ANO5: variants seen among roughly 807,000 people sequenced by gnomAD.
ANO5 encodes anoctamin 5, also known as anoctamin-5.
Under a neutral mutation model 121.0 loss-of-function variants are expected in ANO5, and 109 were observed. The ratio of observed to expected loss-of-function variants is 0.90; its 90% CI spans 0.77 to 1.06. ANO5 has a LOEUF of 1.06. Among genes scored for constraint, ANO5 ranks in the 50% least tolerant of loss-of-function variants. The pLI is 0.00. For missense variants in ANO5, 1,064 were observed against 1,078.5 expected (o/e 0.99, Z 0.19); for synonymous variants, 406 against 359.9 (o/e 1.13, Z -1.45).
intron 3 of ANO5, among the ~76,000 whole-genome samples, chr11:22,212,560 A>G (rs187971092): frequency 3.2e-4 from 49 of 151,914 alleles, no homozygotes; most frequent in African/African-American, 1.1e-3. Flanking sequence ...TTTGTAACAA[A>G]CCTGTGAAAG....
At chr11:22,266,713 C>T (rs1854379003) in intron 17 of ANO5, among the ~76,000 whole-genome samples, 1 of 152,070 alleles carries the variant, frequency 6.6e-6, no homozygotes, top group Admixed American at 6.6e-5. Context: ...TTTATTCTAA[C>T]ATAAATGTTA....
rs573200965 is a variant in ANO5, at chr11:22,231,688, G to A, written c.648+4102G>A. 4.0e-5 allele frequency among the ~76,000 whole-genome samples: 6 copies of A among 151,734 alleles called. No homozygotes were observed. In the East Asian group the frequency reaches 5.8e-4, roughly 15 times the overall value. ...GGTATTTATACATTTCAGCATAAATGTAAGTTTTCTGCTAAAAGAGATACA... is the reference window on the plus strand; with the variant it reads ...GGTATTTATACATTTCAGCATAAATATAAGTTTTCTGCTAAAAGAGATACA... On this transcript the variant is annotated intron_variant, in intron 7 of 21. Transcript: ENST00000324559.
chr11:22,209,105 C>T (rs1343726083), intron 2 of ANO5, among the ~76,000 whole-genome samples: 1 of 151,842 alleles, frequency 6.6e-6, no homozygotes, highest in Non-Finnish European at 1.5e-5. Context: ...ATTGTAGGTT[C>T]ATTATTTCAA....
rs1590322804 is a variant in ANO5, at chr11:22,270,450, T to C, written c.2029+8T>C. The C allele has an allele frequency of 6.2e-6, 10 of 1,613,972 alleles. No homozygotes were observed. Among genetic ancestry groups the C allele is most frequent in the Non-Finnish European group, 8.5e-6 (10 of 1,179,934 alleles). The stretch of plus-strand genomic sequence containing the variant: ...ATGAGTACTTAGAAACAGGTAATTT[T>C]TAACCACTGTTTTGAAACATAGAGT... On this transcript the variant is annotated splice_region_variant and intron_variant, in intron 18 of 21. Coordinates refer to ENST00000324559, the MANE Select transcript of ANO5 (RefSeq NM_213599.3).
chr11:22,230,884 A>T (rs1189100072), intron 7 of ANO5, among the ~76,000 whole-genome samples: 1 of 151,972 alleles, frequency 6.6e-6, no homozygotes, highest in African/African-American at 2.4e-5. Context: ...GTCCACTTCT[A>T]TCTCCACCTT....
chr11:22,273,568 C>G (rs922504933), intron 19 of ANO5, among the ~76,000 whole-genome samples: 1 of 152,126 alleles, frequency 6.6e-6, no homozygotes, highest in Admixed American at 6.5e-5. Context: ...ACAGATAACT[C>G]CATTGCCATA....
chr11:22,254,444 A>G (rs532763175), intron 12 of ANO5, among the ~76,000 whole-genome samples: 3 of 152,316 alleles, frequency 2.0e-5, no homozygotes, highest in African/African-American at 7.2e-5. Context: ...CAGCAGCACT[A>G]TGTGTAATAG....
intron 3 of ANO5, 83 bp downstream of exon 3, chr11:22,211,397 C>A: frequency 7.0e-7 from 1 of 1,423,714 alleles, no homozygotes. Flanking sequence ...ATACTCTTTT[C>A]CAGTTCAGTT....
intron 2 of ANO5, among the ~76,000 whole-genome samples, chr11:22,210,176 A>G (rs149897466): frequency 6.6e-6 from 1 of 152,052 alleles, no homozygotes; most frequent in African/African-American, 2.4e-5. Context: ...TCTTCCCACA[A>G]CTTTTCCCAC....
At chr11:22,250,610 T>C (rs1853780114) in intron 10 of ANO5, 131 bp from the exon 11 acceptor site, 4 of 1,057,632 alleles carry the variant, frequency 3.8e-6, no homozygotes, top group African/African-American at 1.6e-5. Flanking sequence ...TGACCCACTA[T>C]AGAAATTGCT....
intron 4 of ANO5, among the ~76,000 whole-genome samples, chr11:22,219,911 T>C (rs1852586555): frequency 7.7e-6 from 1 of 129,612 alleles, no homozygotes; most frequent in Non-Finnish European, 1.7e-5. Context: ...TTTTTTTTAA[T>C]TCTTAGTTCC....
rs76975356 is a variant in ANO5 at position 22,210,540 on chromosome 11, G to A, written c.88-724G>A. 2.3e-3 allele frequency among the ~76,000 whole-genome samples: 355 copies of A among 151,968 alleles called. 2 individuals are homozygous for A. Among genetic ancestry groups the A allele is most frequent in the Non-Finnish European group, 3.7e-3 (254 of 67,880 alleles). On this transcript the variant is annotated intron_variant, in intron 2 of 21. Coordinates refer to ENST00000324559, the MANE Select transcript of ANO5 (RefSeq NM_213599.3). ...GAATTTCCGATCATTTCTGTTGGTTGATGTCTCTCCATAGTATTATATTGT... is the reference window on the plus strand; with the variant it reads ...GAATTTCCGATCATTTCTGTTGGTTAATGTCTCTCCATAGTATTATATTGT...
intron 12 of ANO5, among the ~76,000 whole-genome samples, chr11:22,254,584 T>C (rs551398504): frequency 6.6e-6 from 1 of 151,836 alleles, no homozygotes; most frequent in South Asian, 2.1e-4. Context: ...AGCAACAAAG[T>C]TGAACCAAAA....
intron 12 of ANO5, among the ~76,000 whole-genome samples, chr11:22,253,294 C>A (rs1853887396): frequency 6.6e-6 from 1 of 152,036 alleles, no homozygotes; most frequent in Admixed American, 6.6e-5. Context: ...ATTTCTCTTT[C>A]CTTACAGTAC....
chr11:22,202,868 C>T (rs1852004912), intron 1 of ANO5, among the ~76,000 whole-genome samples: 1 of 152,094 alleles, frequency 6.6e-6, no homozygotes, highest in Admixed American at 6.6e-5. Flanking sequence ...ATTTAGGGCC[C>T]ACCTTAAATC....
At chr11:22,212,982 C>T (rs974522873) in intron 3 of ANO5, among the ~76,000 whole-genome samples, 2 of 151,208 alleles carry the variant, frequency 1.3e-5, no homozygotes, top group African/African-American at 4.8e-5. Context: ...ATATTTGATT[C>T]ACTATGTTGA....
In ANO5 at chr11:22,282,237, T is replaced by C. The variant is rs530332861; in HGVS notation, c.*2472T>C. On this transcript the variant is annotated 3_prime_UTR_variant, in exon 22 of 22. Transcript: ENST00000324559. ...ATTTGAGATTTTATGTGAAATAAAA[T>C]TTTAAGTGCCAAAGCCAAAAAAATA... is the stretch of plus-strand genomic sequence containing the variant. The C allele has an allele frequency of 1.3e-5, 2 of 152,264 alleles. No homozygotes were observed. Among genetic ancestry groups the C allele is most frequent in the Non-Finnish European group, 2.9e-5 (2 of 67,990 alleles). 9.4% of individuals were successfully genotyped at this position (152,264 alleles called of 1,614,324 possible). A position where few individuals can be genotyped will look rare whatever the true frequency, so the allele number is the denominator to read the frequency against.
At chr11:22,224,938 A>G (rs1245678245) in intron 5 of ANO5, among the ~76,000 whole-genome samples, 1 of 152,076 alleles carries the variant, frequency 6.6e-6, no homozygotes, top group East Asian at 1.9e-4. Flanking sequence ...ACTCATGTGC[A>G]GGAGGTAAAA....
intron 7 of ANO5, among the ~76,000 whole-genome samples, chr11:22,229,204 TTTA>T (rs1852953358): frequency 6.6e-6 from 1 of 152,004 alleles, no homozygotes; most frequent in African/African-American, 2.4e-5. Context: ...TTTGATTTTG[TTTA>T]TTAATTTAAT....
Sources: allele counts gnomAD v4.1 joint callset (sites outside exome capture counted in the v4.1 genomes callset), GRCh38; gene constraint gnomAD v4.1.1; transcripts MANE v1.5; gene names NCBI Gene and HGNC (gene_info 2026-07-23, HGNC 2026-07-21).